Variants in ATP2C2 observed in about 807,000 individuals in gnomAD.
The protein encoded by ATP2C2 is calcium-transporting ATPase type 2C member 2.
ATP2C2 carries 171 observed loss-of-function variants against 110.8 expected under a neutral mutation model. That is an observed-to-expected ratio of 1.54 (90% CI 1.36 to 1.75). The LOEUF (loss-of-function observed/expected upper bound fraction) is 1.75, where lower values mean the gene tolerates loss of function less well. Ranked by LOEUF, ATP2C2 falls within the 40% of genes most tolerant of loss-of-function variation. The probability of loss-of-function intolerance (pLI) is 0.00; values close to 1 mark genes in which losing one functional copy is unlikely to be tolerated. For synonymous variants in ATP2C2, 804 were observed against 508.4 expected (o/e 1.58, Z -7.82); for missense variants, 1,963 against 1,235.0 (o/e 1.59, Z -8.84).
chr16:84,459,298 C>T lies in ATP2C2; in HGVS notation c.2245C>T (p.Leu749=), dbSNP rs1199523220. The T allele has an allele frequency of 3.2e-5, 52 of 1,614,108 alleles. No individual in the cohort carries two copies. Among genetic ancestry groups the T allele is most frequent in the Non-Finnish European group, 4.0e-5 (47 of 1,180,042 alleles). ...CATCTCCGCCCTGAGTCTCATCACT[C>T]TGTCCACCGTGTTCAACCTGCCCAG... The part of the protein sequence containing the change: ...TSISALSLIT[L]STVFNLPSPL... The change falls in exon 23 of 27, where the codon CTG becomes TTG. Residue 749 remains leucine, a synonymous_variant. Coordinates refer to ENST00000262429, the MANE Select transcript of ATP2C2 (RefSeq NM_014861.4).
At position 84,408,387 on chromosome 16, in the gene ATP2C2, C is replaced by G. The variant is rs1480729973; in HGVS notation, c.328-18C>G. 3 of 1,610,702 alleles carry G rather than the reference C, an allele frequency of 1.9e-6. No individual in the cohort carries two copies. Among genetic ancestry groups the G allele is most frequent in the African/African-American group, 2.7e-5 (2 of 74,806 alleles). On this transcript the variant is annotated intron_variant, in intron 3 of 26. Transcript: ENST00000262429. ...CTGAGACTAAAGAACGTGCCCCACC[C>G]TGTTATTTCCTCTTCAGTTTAAGAA...
chr16:84,449,852 C>G (rs374301908), intron 17 of ATP2C2, among the ~76,000 whole-genome samples: 1 of 152,194 alleles, frequency 6.6e-6, no homozygotes, highest in Non-Finnish European at 1.5e-5. Context: ...AGAGTGGACA[C>G]GTTAGTAAGT....
chr16:84,398,975 T>C (rs1905155912), intron 2 of ATP2C2, among the ~76,000 whole-genome samples: 1 of 152,266 alleles, frequency 6.6e-6, no homozygotes, highest in Admixed American at 6.5e-5. Context: ...GGAGTCCAGC[T>C]GTTTCACATG....
intron 1 of ATP2C2, among the ~76,000 whole-genome samples, chr16:84,380,620 T>C (rs1470791751): frequency 6.6e-6 from 1 of 152,136 alleles, no homozygotes; most frequent in East Asian, 1.9e-4. Context: ...GGCTGCAGGA[T>C]TGTGGTTAAG....
rs534341071 is a variant in ATP2C2, at chr16:84,459,886, C to T, written c.2333+500C>T. On this transcript the variant is annotated intron_variant, in intron 23 of 26. Transcript: ENST00000262429. Reference sequence around the variant, plus strand: ...GTCTAGAGATAAAGGGCTTGCCACTCAGTAGGTGCTCAGGAGTCCACCCGC... The same window carrying T: ...GTCTAGAGATAAAGGGCTTGCCACTTAGTAGGTGCTCAGGAGTCCACCCGC... 28 of 345,254 alleles carry T rather than the reference C, an allele frequency of 8.1e-5. 1 individual carries two copies. In the Admixed American group the frequency reaches 9.8e-4, roughly 12 times the overall value. 21.4% of individuals were successfully genotyped at this position (345,254 alleles called of 1,614,324 possible). A position where few individuals can be genotyped will look rare whatever the true frequency, so the allele number is the denominator to read the frequency against.
At chr16:84,448,304 A>C (rs192042990) in intron 16 of ATP2C2, among the ~76,000 whole-genome samples, 2 of 152,330 alleles carry the variant, frequency 1.3e-5, no homozygotes, top group Admixed American at 1.3e-4. Flanking sequence ...AGGGTAGTAC[A>C]GGTTGAAGAT....
At chr16:84,433,405 C>A (rs1013137778) in intron 11 of ATP2C2, among the ~76,000 whole-genome samples, 2 of 130,756 alleles carry the variant, frequency 1.5e-5, no homozygotes, top group African/African-American at 6.3e-5. Context: ...CAAAAGAAAA[C>A]CAAAAAACCA....
intron 1 of ATP2C2, among the ~76,000 whole-genome samples, chr16:84,393,359 C>G (rs1054797677): frequency 6.6e-6 from 1 of 152,064 alleles, no homozygotes; most frequent in Admixed American, 6.6e-5. Flanking sequence ...GGAGTGGCAG[C>G]GTCCACGAGC....
rs1910658292 is a variant in ATP2C2, at chr16:84,454,995, CT to C, written c.2147+13del. Reference sequence around the variant, plus strand: ...CTTCTCAGCCATCATGTAAGCTGCCCTTCTGGTTGTTTTTCAGTTGCAAAAA... The same window carrying C: ...CTTCTCAGCCATCATGTAAGCTGCCCTCTGGTTGTTTTTCAGTTGCAAAAA... On this transcript the variant is annotated intron_variant, in intron 21 of 26. Coordinates refer to ENST00000262429, the MANE Select transcript of ATP2C2 (RefSeq NM_014861.4). 6.2e-7 allele frequency: 1 copy of C among 1,612,260 alleles called. No individual in the cohort carries two copies. Among genetic ancestry groups the C allele is most frequent in the Non-Finnish European group, 8.5e-7 (1 of 1,179,300 alleles).
At chr16:84,424,956 T>C (rs1907680860) in intron 10 of ATP2C2, among the ~76,000 whole-genome samples, 2 of 152,138 alleles carry the variant, frequency 1.3e-5, no homozygotes, top group African/African-American at 4.8e-5. Flanking sequence ...GAGCTCCCCT[T>C]GCTAATCTAT....
At chr16:84,445,763 C>G (rs749402946) in intron 15 of ATP2C2, among the ~76,000 whole-genome samples, 1 of 152,228 alleles carries the variant, frequency 6.6e-6, no homozygotes, top group African/African-American at 2.4e-5. Flanking sequence ...TCTGCACTTT[C>G]TACGTAAAAG....
intron 11 of ATP2C2, among the ~76,000 whole-genome samples, chr16:84,431,646 C>T (rs1421152329): frequency 1.3e-5 from 2 of 151,860 alleles, no homozygotes; most frequent in Non-Finnish European, 2.9e-5. Flanking sequence ...GGGAACATAT[C>T]CGAGGGTCAC....
chr16:84,434,743 C>A lies in ATP2C2; in HGVS notation c.987-4423C>A, dbSNP rs1421958717. On this transcript the variant is annotated intron_variant, in intron 11 of 26. Transcript: ENST00000262429. ...ACGTTGGCCAGGCTAGTCTCAAACC[C>A]CTGACCTCAAGTGTTCCATCCGTTT... Among the ~76,000 whole-genome samples, 5 of 151,998 alleles carry A rather than the reference C, an allele frequency of 3.3e-5. No individual in the cohort carries two copies. In the East Asian group the frequency reaches 9.8e-4, roughly 30 times the overall value.
chr16:84,458,805 G>C (rs751339851), intron 21 of ATP2C2, among the ~76,000 whole-genome samples: 12 of 152,216 alleles, frequency 7.9e-5, no homozygotes, highest in Non-Finnish European at 1.6e-4. Context: ...CGCACTTCGG[G>C]AGTCTGGGCA....
At chr16:84,422,185 G>A (rs1277827837) in intron 7 of ATP2C2, among the ~76,000 whole-genome samples, 2 of 152,048 alleles carry the variant, frequency 1.3e-5, no homozygotes, top group East Asian at 3.9e-4. Flanking sequence ...AAAGATATGA[G>A]ACTTTTATGT....
At chr16:84,460,936 C>A in intron 24 of ATP2C2, 135 bp downstream of exon 24, 2 of 1,278,926 alleles carry the variant, frequency 1.6e-6, no homozygotes, top group Non-Finnish European at 2.1e-6. Context: ...AATGTGATGC[C>A]ATCAGAGGCG....
At chr16:84,407,254 T>G (rs1326111390) in intron 3 of ATP2C2, 1 of 152,196 alleles carries the variant, frequency 6.6e-6, no homozygotes, top group Non-Finnish European at 1.5e-5. Flanking sequence ...CCATTAGGAA[T>G]TCTACCTTAG....
intron 7 of ATP2C2, among the ~76,000 whole-genome samples, chr16:84,421,944 T>C (rs575457752): frequency 6.6e-6 from 1 of 152,230 alleles, no homozygotes; most frequent in East Asian, 1.9e-4. Flanking sequence ...TGTCTCTGTG[T>C]CCCTGTCTGT....
At chr16:84,394,407 C>T (rs1050579641) in intron 1 of ATP2C2, among the ~76,000 whole-genome samples, 2 of 152,060 alleles carry the variant, frequency 1.3e-5, no homozygotes, top group African/African-American at 4.8e-5. Flanking sequence ...TACGAATTTG[C>T]CTGTCCCGGG....
Sources: gnomAD v4.1 joint callset for allele counts (sites outside exome capture counted in the v4.1 genomes callset) on GRCh38, gnomAD v4.1.1 for gene constraint, MANE v1.5 for transcripts, NCBI Gene and HGNC (gene_info 2026-07-23, HGNC 2026-07-21) for gene names.